RABEP1: variants seen among roughly 807,000 people sequenced by gnomAD.
The protein encoded by RABEP1 is rabaptin, RAB GTPase binding effector protein 1.
RABEP1 carries 51 observed loss-of-function variants against 123.4 expected under a neutral mutation model. That is an observed-to-expected ratio of 0.41 (90% CI 0.33 to 0.52). The LOEUF (loss-of-function observed/expected upper bound fraction) is 0.52. Among genes scored for constraint, RABEP1 ranks in the 20% least tolerant of loss-of-function variants. The probability of loss-of-function intolerance (pLI) is 0.16; values close to 1 mark genes in which losing one functional copy is unlikely to be tolerated. For synonymous variants in RABEP1, 347 were observed against 355.2 expected, an observed-to-expected ratio of 0.98 and a Z score of 0.26; for missense variants, 888 against 996.3, an observed-to-expected ratio of 0.89 and a Z score of 1.46.
chr17:5,309,730 G>A (rs932349750), intron 2 of RABEP1, among the ~76,000 whole-genome samples: 2 of 152,018 alleles, frequency 1.3e-5, no homozygotes, highest in African/African-American at 4.8e-5. Context: ...CTGATTTGAA[G>A]GATCAGGGAA....
chr17:5,303,390 C>T (rs535457433), intron 1 of RABEP1, among the ~76,000 whole-genome samples: 20 of 152,048 alleles, frequency 1.3e-4, no homozygotes, highest in Non-Finnish European at 2.9e-5. Context: ...GACAGGCACG[C>T]ACTATCACGT....
intron 1 of RABEP1, among the ~76,000 whole-genome samples, chr17:5,299,103 C>T (rs758104663): frequency 1.1e-4 from 16 of 152,164 alleles, no homozygotes; most frequent in African/African-American, 3.1e-4. Flanking sequence ...CCCCAGTTGT[C>T]GTGCGCACTT....
At chr17:5,329,351 G>A (rs1450296525) in intron 2 of RABEP1, among the ~76,000 whole-genome samples, 4 of 152,132 alleles carry the variant, frequency 2.6e-5, no homozygotes, top group Non-Finnish European at 4.4e-5. Flanking sequence ...CCAACAAGGC[G>A]AAACCCCGTC....
chr17:5,308,686 T>C lies in RABEP1; in HGVS notation c.35-8T>C, dbSNP rs746331901. On this transcript the variant is annotated splice_region_variant and splice_polypyrimidine_tract_variant and intron_variant, in intron 1 of 17. Transcript: ENST00000537505. ...TATTACTTGTTAACTAGTGTTTTTT[T>C]CCCCCAGTTTCTCTTCAGCAACGGG... 141 of 1,602,740 alleles carry C rather than the reference T, an allele frequency of 8.8e-5. 5 individuals carry two copies. In the Middle Eastern group the frequency reaches 2.3e-3, roughly 26 times the overall value.
At chr17:5,353,003 T>C (rs1381189156) in intron 7 of RABEP1, among the ~76,000 whole-genome samples, 2 of 152,240 alleles carry the variant, frequency 1.3e-5, no homozygotes, top group East Asian at 1.9e-4. Flanking sequence ...ACTACAATTA[T>C]ACGGTTCCTG....
In RABEP1 at chr17:5,385,146, T is replaced by C; in HGVS notation, c.*1923T>C. 1 of 229,698 alleles carries C rather than the reference T, an allele frequency of 4.4e-6. No homozygotes were observed. The highest frequency in any genetic ancestry group is 8.6e-6 in the Non-Finnish European group (1 of 115,812). 14.2% of individuals were successfully genotyped at this position (229,698 alleles called of 1,614,324 possible). A position where few individuals can be genotyped will look rare whatever the true frequency, so the allele number is the denominator to read the frequency against. On this transcript the variant is annotated 3_prime_UTR_variant, in exon 18 of 18. Transcript: ENST00000537505. ...ATGCCAACTGTTGGAATTCACTTTA[T>C]TGTAGAAAAACCCAAACTGAGACTC... is the stretch of plus-strand genomic sequence containing the variant.
At chr17:5,293,354 A>T (rs1046803750) in intron 1 of RABEP1, among the ~76,000 whole-genome samples, 1 of 151,818 alleles carries the variant, frequency 6.6e-6, no homozygotes, top group Non-Finnish European at 1.5e-5. Flanking sequence ...TAATATCTTC[A>T]TAGACATTGG....
chr17:5,339,851 A>G (rs986570972), intron 5 of RABEP1, among the ~76,000 whole-genome samples: 7 of 152,166 alleles, frequency 4.6e-5, no homozygotes, highest in Admixed American at 1.3e-4. Context: ...AAAATATACC[A>G]TGTAAATTCG....
intron 10 of RABEP1, among the ~76,000 whole-genome samples, chr17:5,363,350 G>A (rs547661416): frequency 6.6e-6 from 1 of 151,916 alleles, no homozygotes; most frequent in Non-Finnish European, 1.5e-5. Flanking sequence ...CTGCCGAGTA[G>A]CTGGGATTAC....
chr17:5,307,423 C>T (rs911756817), intron 1 of RABEP1, among the ~76,000 whole-genome samples: 2 of 152,152 alleles, frequency 1.3e-5, no homozygotes, highest in Non-Finnish European at 2.9e-5. Flanking sequence ...AATCAGCTCT[C>T]AATTAAATTG....
intron 2 of RABEP1, among the ~76,000 whole-genome samples, chr17:5,314,152 T>C (rs2075271587): frequency 6.6e-6 from 1 of 152,042 alleles, no homozygotes; most frequent in Non-Finnish European, 1.5e-5. Flanking sequence ...GTTTGGAGAA[T>C]AGCTGAAATA....
chr17:5,364,995 G>C (rs771734272), intron 10 of RABEP1, 127 bp from the exon 11 acceptor site: 16 of 621,574 alleles, frequency 2.6e-5, no homozygotes, highest in African/African-American at 3.8e-5. Context: ...GTCTGAATTA[G>C]AAAATCTGTG....
At chr17:5,299,710 T>C (rs1467778050) in intron 1 of RABEP1, among the ~76,000 whole-genome samples, 1 of 129,170 alleles carries the variant, frequency 7.7e-6, no homozygotes, top group Non-Finnish European at 1.6e-5. Context: ...CTTTTTCTTT[T>C]TTTCTTTTCT....
intron 3 of RABEP1, among the ~76,000 whole-genome samples, chr17:5,332,700 C>G (rs143813944): frequency 1.3e-5 from 2 of 150,838 alleles, no homozygotes; most frequent in African/African-American, 2.4e-5. Context: ...CCTCTGCCTC[C>G]CGGGCTCAAG....
At chr17:5,297,741 T>A (rs369361572) in intron 1 of RABEP1, among the ~76,000 whole-genome samples, 235 of 152,260 alleles carry the variant, frequency 1.5e-3, no homozygotes, top group African/African-American at 5.3e-3. Flanking sequence ...CTATTATTAG[T>A]CCCCCTTGTT....
At chr17:5,382,452 T>C (rs1460572243) in intron 17 of RABEP1, among the ~76,000 whole-genome samples, 3 of 151,382 alleles carry the variant, frequency 2.0e-5, no homozygotes, top group African/African-American at 7.3e-5. Context: ...CATTACACTT[T>C]AAAATCCTAG....
At chr17:5,365,032 AT>A (rs199811226) in intron 10 of RABEP1, 89 bp from the exon 11 acceptor site, 100 of 769,364 alleles carry the variant, frequency 1.3e-4, no homozygotes, top group Middle Eastern at 3.7e-4. Flanking sequence ...GACATAAGAG[AT>A]TTTTTTTTAA....
intron 1 of RABEP1, among the ~76,000 whole-genome samples, chr17:5,308,027 C>T (rs983258991): frequency 6.6e-6 from 1 of 152,094 alleles, no homozygotes; most frequent in Non-Finnish European, 1.5e-5. Flanking sequence ...GCAAGATTGG[C>T]AGTAGGTTCA....
At chr17:5,288,597 G>A (rs979334916) in intron 1 of RABEP1, among the ~76,000 whole-genome samples, 1 of 152,154 alleles carries the variant, frequency 6.6e-6, no homozygotes, top group Non-Finnish European at 1.5e-5. Context: ...GTTTCGCCAT[G>A]TTCGTCAGGC....
Sources: gnomAD v4.1 joint callset for allele counts (sites outside exome capture counted in the v4.1 genomes callset) on GRCh38, gnomAD v4.1.1 for gene constraint, MANE v1.5 for transcripts, NCBI Gene and HGNC (gene_info 2026-07-23, HGNC 2026-07-21) for gene names.